POTEF: variants seen among roughly 807,000 people sequenced by gnomAD.
The protein encoded by POTEF is POTE ankyrin domain family member F, also known as ANKRD26-like family C member 1B.
A neutral mutation model predicts 83.2 loss-of-function variants in POTEF; 20 were observed. The observed-to-expected ratio is 0.24, with a 90% CI of 0.17 to 0.35. POTEF has a LOEUF of 0.35. POTEF is among the 10% of genes least tolerant of loss of function. The probability of loss-of-function intolerance (pLI) is 1.00; values close to 1 mark genes in which losing one functional copy is unlikely to be tolerated. For missense variants in POTEF, 550 were observed against 1,203.2 expected, an observed-to-expected ratio of 0.46 and a Z score of 8.03; for synonymous variants, 196 against 446.4, an observed-to-expected ratio of 0.44 and a Z score of 7.07.
intron 3 of POTEF, among the ~76,000 whole-genome samples, chr2:130,118,774 T>C (rs1242763987): frequency 6.6e-6 from 1 of 151,858 alleles, no homozygotes; most frequent in Non-Finnish European, 1.5e-5. Flanking sequence ...TGTTTCTCTT[T>C]TTGTATATTT....
rs796466609 is a variant in POTEF at position 130,127,357 on chromosome 2, A to C, written c.-94+352T>G. The stretch of plus-strand genomic sequence containing the variant: ...AAAAAAAAAAAAAAAAAAAAGCCAC[A>C]CACACACACACACAGTCACCCCCTA... On this transcript the variant is annotated intron_variant, in intron 2 of 16. Coordinates refer to ENST00000409914, the MANE Select transcript of POTEF (RefSeq NM_001099771.2). Among the ~76,000 whole-genome samples, 24 of 130,620 alleles carry C rather than the reference A, an allele frequency of 1.8e-4. 2 individuals are homozygous for C. Among genetic ancestry groups the C allele is most frequent in the African/African-American group, 6.3e-4 (21 of 33,154 alleles). The allele number at this position is 130,620 out of a possible 152,430, so 85.7% of individuals were successfully genotyped here.
At chr2:130,126,890 A>G (rs1415603937) in intron 2 of POTEF, among the ~76,000 whole-genome samples, 2 of 152,010 alleles carry the variant, frequency 1.3e-5, no homozygotes, top group Admixed American at 6.5e-5. Flanking sequence ...ATGAAGAGGA[A>G]CAAGAAGATG....
rs1683713485 is a variant in POTEF, at chr2:130,074,460, G to GCATTCT, written c.3011_3012insAGAATG (p.Thr1004_Met1005insGluCys). ...TTCTGTGGGCCATGCCAGGGTACATGGTGGTGCCGCCAGACAGCACTGTGT... is the reference window on the plus strand; with the variant it reads ...TTCTGTGGGCCATGCCAGGGTACATGCATTCTGTGGTGCCGCCAGACAGCACTGTGT... On this transcript the variant is annotated inframe_insertion, in exon 17 of 17. Transcript: ENST00000409914. 6.6e-7 allele frequency: 1 copy of GCATTCT among 1,523,068 alleles called. No individual in the cohort carries two copies. Among genetic ancestry groups the GCATTCT allele is most frequent in the East Asian group, 2.3e-5 (1 of 43,622 alleles). 94.3% of individuals were successfully genotyped at this position (1,523,068 alleles called of 1,614,324 possible). A position where few individuals can be genotyped will look rare whatever the true frequency, so the allele number is the denominator to read the frequency against.
At position 130,120,393 on chromosome 2, in the gene POTEF, G is replaced by A. The variant is rs369119033; in HGVS notation, c.123C>T (p.Ser41=). The A allele has an allele frequency of 4.3e-4, 697 of 1,612,488 alleles. 6 individuals carry two copies. The African/African-American group carries it at 8.5e-3, about 20-fold the overall frequency. ...CGTGGTCTCCAGAAGTGCCCACGTTGCTCTTGCCGCTCTCCCTGCAGCAGG... is the reference window on the plus strand; with the variant it reads ...CGTGGTCTCCAGAAGTGCCCACGTTACTCTTGCCGCTCTCCCTGCAGCAGG... The part of the protein sequence containing the change: ...CFPCCRESGK[S]NVGTSGDHDD... The change falls in exon 3 of 17, where the codon AGC becomes AGT. Residue 41 remains serine (S), a synonymous_variant. Coordinates refer to ENST00000409914, the MANE Select transcript of POTEF (RefSeq NM_001099771.2).
intron 3 of POTEF, among the ~76,000 whole-genome samples, chr2:130,116,253 C>T (rs1409116797): frequency 2.0e-5 from 3 of 151,270 alleles, no homozygotes; most frequent in Admixed American, 6.6e-5. Context: ...AATGTATGTA[C>T]ATCAGATATT....
intron 2 of POTEF, among the ~76,000 whole-genome samples, chr2:130,125,778 C>T (rs1300533163): frequency 6.6e-6 from 1 of 151,646 alleles, no homozygotes; most frequent in Non-Finnish European, 1.5e-5. Context: ...TGGTGGCAGG[C>T]ACCTATAATC....
In POTEF at chr2:130,121,444, C is replaced by T. The variant is rs1370481036; in HGVS notation, c.-93-836G>A. ...ATGGCAGCAGCTGCAGCTGGGAGCTCGGGCTGACGGAGCTGGCTGCAAATG... is the reference window on the plus strand; with the variant it reads ...ATGGCAGCAGCTGCAGCTGGGAGCTTGGGCTGACGGAGCTGGCTGCAAATG... On this transcript the variant is annotated intron_variant, in intron 2 of 16. Coordinates refer to ENST00000409914, the MANE Select transcript of POTEF (RefSeq NM_001099771.2). Among the ~76,000 whole-genome samples the T allele has an allele frequency of 3.9e-4, 43 of 111,290 alleles. 1 individual carries two copies. Among genetic ancestry groups the T allele is most frequent in the African/African-American group, 1.6e-3 (43 of 26,818 alleles). 73.0% of individuals were successfully genotyped at this position (111,290 alleles called of 152,430 possible).
In POTEF at chr2:130,075,215, A is replaced by G; in HGVS notation, c.2257T>C (p.Tyr753His). 1 of 1,612,546 alleles carries G rather than the reference A, an allele frequency of 6.2e-7. No homozygotes were observed. The highest frequency in any genetic ancestry group is 1.1e-5 in the South Asian group (1 of 91,006). ...TTGCTCTGGGCCTCCTTGCCCACAT[A>G]GGACTCTTTCTGATGCATGCCCCCC... ...MMGGMHQKES[Y>H]VGKEAQSKRG... Residue 753 changes from tyrosine to histidine, a missense_variant, in exon 17 of 17, where the codon TAT (tyrosine) becomes CAT (histidine). Tyr to His is a moderately conservative substitution (Grantham distance 83). Transcript: ENST00000409914.
rs1468414393 is a variant in POTEF at position 130,099,039 on chromosome 2, A to G, written c.1409+431T>C. Reference sequence around the variant, plus strand: ...TAAATAATGAGAACTCATGGACACAAAGAGGAGAATAACAGGCACCAAGGG... The same window carrying G: ...TAAATAATGAGAACTCATGGACACAGAGAGGAGAATAACAGGCACCAAGGG... On this transcript the variant is annotated intron_variant, in intron 11 of 16. Transcript: ENST00000409914. 5.1e-5 allele frequency among the ~76,000 whole-genome samples: 4 copies of G among 77,824 alleles called. 2 individuals carry two copies. The highest frequency in any genetic ancestry group is 9.7e-5 in the Non-Finnish European group (4 of 41,054). 51.1% of individuals were successfully genotyped at this position (77,824 alleles called of 152,430 possible). A position where few individuals can be genotyped will look rare whatever the true frequency, so the allele number is the denominator to read the frequency against.
rs541317405 is a variant in POTEF at position 130,104,510 on chromosome 2, A to T, written c.1127-2330T>A. 1.2e-4 allele frequency among the ~76,000 whole-genome samples: 18 copies of T among 150,990 alleles called. No homozygotes were observed. In the South Asian group the frequency reaches 2.1e-3, roughly 18 times the overall value. The stretch of plus-strand genomic sequence containing the variant: ...GGAAGAACACAAAAATGCCCTGCTA[A>T]AGGGATTCTGTTTGGTTGCAGGCTG... On this transcript the variant is annotated intron_variant, in intron 8 of 16. Coordinates refer to ENST00000409914, the MANE Select transcript of POTEF (RefSeq NM_001099771.2).
At position 130,126,941 on chromosome 2, in the gene POTEF, C is replaced by T. The variant is rs998388812; in HGVS notation, c.-94+768G>A. 2.6e-5 allele frequency among the ~76,000 whole-genome samples: 4 copies of T among 152,042 alleles called. 1 individual carries two copies. The highest frequency in any genetic ancestry group is 9.7e-5 in the African/African-American group (4 of 41,346). On this transcript the variant is annotated intron_variant, in intron 2 of 16. Transcript: ENST00000409914. ...CTAGAATAAGCAAAAAGAACAGGTG[C>T]AGGAATTAGAAGGCCTATTATGACA...
chr2:130,080,145 CGGGG>C (rs1294576041), intron 15 of POTEF, among the ~76,000 whole-genome samples: 2 of 3,730 alleles, frequency 5.4e-4, no homozygotes, highest in Admixed American at 5.1e-3. Flanking sequence ...CAAACTATTG[CGGGG>C]GGGGGGGGGG....
chr2:130,117,290 A>C (rs1328114692), intron 3 of POTEF, among the ~76,000 whole-genome samples: 4 of 151,942 alleles, frequency 2.6e-5, no homozygotes, highest in African/African-American at 9.7e-5. Context: ...AAGAGGGTAA[A>C]AGTTCACGGA....
At chr2:130,121,121 CGGCGTGCGCGTGCGCGT>C (rs1558896924) in intron 2 of POTEF, among the ~76,000 whole-genome samples, 2 of 150,742 alleles carry the variant, frequency 1.3e-5, no homozygotes, top group African/African-American at 4.9e-5. Context: ...CGTGTGCGCG[CGGCGTGCGCGTGCGCGT>C]GCGGCGTGCT....
At chr2:130,078,242 A>G (rs1683870057) in intron 15 of POTEF, among the ~76,000 whole-genome samples, 1 of 89,230 alleles carries the variant, frequency 1.1e-5, no homozygotes, top group African/African-American at 4.3e-5. Context: ...ACATGAATTC[A>G]GTAAAGTCTC....
At chr2:130,079,052 T>TA (rs1159259319) in intron 15 of POTEF, among the ~76,000 whole-genome samples, 1 of 102,118 alleles carries the variant, frequency 9.8e-6, no homozygotes, top group African/African-American at 4.5e-5. Context: ...AATAAATAAA[T>TA]AAGACCTAAT....
rs541606889 is a variant in POTEF, at chr2:130,127,882, G to C, written c.-249-18C>G. 6.8e-6 allele frequency: 1 copy of C among 146,534 alleles called. No individual in the cohort carries two copies. Among genetic ancestry groups the C allele is most frequent in the African/African-American group, 2.6e-5 (1 of 38,464 alleles). 9.1% of individuals were successfully genotyped at this position (146,534 alleles called of 1,614,324 possible). ...AGAAAAGCCTAGAATGGGATGCAGG[G>C]AGTGGTAACGTTAGAGCCTCACCTT... On this transcript the variant is annotated intron_variant, in intron 1 of 16. Coordinates refer to ENST00000409914, the MANE Select transcript of POTEF (RefSeq NM_001099771.2).
intron 15 of POTEF, among the ~76,000 whole-genome samples, chr2:130,083,424 A>C (rs1408273088): frequency 6.6e-6 from 1 of 150,802 alleles, no homozygotes; most frequent in Admixed American, 6.6e-5. Context: ...AGCAGCAAGC[A>C]AAACAGACCA....
chr2:130,128,126 C>T (rs1191152240), intron 1 of POTEF, among the ~76,000 whole-genome samples: 1 of 147,876 alleles, frequency 6.8e-6, no homozygotes, highest in African/African-American at 2.6e-5. Flanking sequence ...AAACTCAGAC[C>T]CAGCCAGCCC....
Sources: allele counts gnomAD v4.1 joint callset (sites outside exome capture counted in the v4.1 genomes callset), GRCh38; gene constraint gnomAD v4.1.1; transcripts MANE v1.5; gene names NCBI Gene and HGNC (gene_info 2026-07-23, HGNC 2026-07-21).